SPTB: variants seen among roughly 807,000 people sequenced by gnomAD.
SPTB encodes the protein spectrin beta, erythrocytic, also known as spectrin beta chain, erythrocytic.
SPTB carries 45 observed loss-of-function variants against 256.2 expected under a neutral mutation model. The ratio of observed to expected loss-of-function variants is 0.18; its 90% CI spans 0.14 to 0.23. The LOEUF is 0.23. Among genes scored for constraint, SPTB ranks in the 10% least tolerant of loss-of-function variants. The pLI is 1.00. For synonymous variants in SPTB, 1,231 were observed against 1,243.1 expected (o/e 0.99, Z 0.21); for missense variants, 2,715 against 3,040.4 (o/e 0.89, Z 2.52).
intron 1 of SPTB, among the ~76,000 whole-genome samples, chr14:64,867,193 T>C (rs1276046873): frequency 2.0e-5 from 3 of 152,224 alleles, no homozygotes; most frequent in African/African-American, 4.8e-5. Context: ...GTCCCATCCA[T>C]AGTGTCTTCC....
chr14:64,763,750 T>C lies in SPTB; in HGVS notation c.6345+2976A>G, dbSNP rs756439301. The stretch of plus-strand genomic sequence containing the variant: ...CTTGTTTCTTCTGCCTGGCCTCCCA[T>C]GCACTTACCTGTATGAACGGATTGG... On this transcript the variant is annotated intron_variant, in intron 32 of 35. Transcript: ENST00000644917. The C allele has an allele frequency of 5.8e-6, 3 of 519,026 alleles. No individual in the cohort carries two copies. The Admixed American group carries it at 5.8e-5, about 10-fold the overall frequency. 32.2% of individuals were successfully genotyped at this position (519,026 alleles called of 1,614,324 possible).
chr14:64,760,998 G>A lies in SPTB; in HGVS notation c.6345+5728C>T, dbSNP rs1252336505. ...TCTAAATGAGATGATCCTGGCTTAT[G>A]CAAAACACATGGCTGATTGACAGAG... On this transcript the variant is annotated intron_variant, in intron 32 of 35. Coordinates refer to ENST00000644917, the MANE Select transcript of SPTB (RefSeq NM_001355436.2). This position sits in a 1 kb window ranked among gnomAD's most constrained non-coding sequence, Gnocchi z 4.3. Among the ~76,000 whole-genome samples, 1 of 152,194 alleles carries A rather than the reference G, an allele frequency of 6.6e-6. No homozygotes were observed. The highest frequency in any genetic ancestry group is 2.4e-5 in the African/African-American group (1 of 41,434).
In SPTB at chr14:64,772,944, T is replaced by C; in HGVS notation, c.5189A>G (p.Asp1730Gly). Residue 1730 changes from aspartate to glycine, a missense_variant, in exon 26 of 36, where the codon GAC becomes GGC. Physicochemically the swap from Asp to Gly is moderately conservative, Grantham distance 94. Coordinates refer to ENST00000644917, the MANE Select transcript of SPTB (RefSeq NM_001355436.2). The surrounding 1 kb of genome is among the most constrained non-coding windows in gnomAD (Gnocchi z 5.4). ...CTCCCGGGCAAAGTCCCGGAACTTG[T>C]CCCGCAGAAGCTAGGCATGGGGCAG... ...QDFDHVTLLR[D>G]KFRDFARETG... is the part of the protein sequence containing the mutation. 6.2e-7 allele frequency: 1 copy of C among 1,601,464 alleles called. No homozygotes were observed. Among genetic ancestry groups the C allele is most frequent in the South Asian group, 1.1e-5 (1 of 90,362 alleles).
intron 1 of SPTB, among the ~76,000 whole-genome samples, chr14:64,834,297 GATTAC>G (rs1196668947): frequency 6.6e-6 from 1 of 152,020 alleles, no homozygotes; most frequent in African/African-American, 2.4e-5. Flanking sequence ...AAAGTGCTGG[GATTAC>G]AGTTGTGAGC....
At chr14:64,789,196 C>A (rs1176024533) in intron 15 of SPTB, among the ~76,000 whole-genome samples, 1 of 151,848 alleles carries the variant, frequency 6.6e-6, no homozygotes, top group East Asian at 1.9e-4. Flanking sequence ...ACAAAAAAAA[C>A]AAAAAATTAG....
intron 1 of SPTB, among the ~76,000 whole-genome samples, chr14:64,864,746 G>C (rs1882061170): frequency 6.6e-6 from 1 of 152,032 alleles, no homozygotes; most frequent in South Asian, 2.1e-4. Context: ...GGTACTGTCT[G>C]AATTATTTTT....
At chr14:64,822,068 C>T (rs888678918) in intron 2 of SPTB, among the ~76,000 whole-genome samples, 34 of 151,776 alleles carry the variant, frequency 2.2e-4, no homozygotes, top group Admixed American at 5.9e-4. Flanking sequence ...AGGTGGAAGA[C>T]GGCAACAGTC....
chr14:64,773,417 T>C lies in SPTB; in HGVS notation c.4981A>G (p.Ile1661Val), dbSNP rs1049329878. Residue 1661 changes from isoleucine (I) to valine (V), a missense_variant, in exon 25 of 36, where the codon ATC becomes GTC. Physicochemically the swap from Ile to Val is conservative, Grantham distance 29. Coordinates refer to ENST00000644917, the MANE Select transcript of SPTB (RefSeq NM_001355436.2). ...LSAGHPEGEQ[I>V]IRLQGQVDKH... The stretch of plus-strand genomic sequence containing the variant: ...TCCACTTGCCCCTGAAGTCTGATGA[T>C]CTGTTCCCTGGAATTCAAAACCAAA... 6.2e-7 allele frequency: 1 copy of C among 1,613,874 alleles called. No homozygotes were observed. Among genetic ancestry groups the C allele is most frequent in the Non-Finnish European group, 8.5e-7 (1 of 1,180,034 alleles).
At position 64,793,809 on chromosome 14, in the gene SPTB, G is replaced by A. The variant is rs563471110; in HGVS notation, c.1854C>T (p.Cys618=). 1.3e-5 allele frequency: 21 copies of A among 1,610,618 alleles called. No homozygotes were observed. In the South Asian group the frequency reaches 2.0e-4, roughly 15 times the overall value. Residue 618 remains cysteine, a synonymous_variant, in exon 14 of 36, where the codon TGC becomes TGT. Transcript: ENST00000644917. The surrounding 1 kb of genome is among the most constrained non-coding windows in gnomAD (Gnocchi z 7.0). ...CTGCCATGTTGCTCAGCTCCTCAAA[G>A]CACTGCTCCAAGTGGCTGATGCGGT... ...IQDRISHLEQ[C]FEELSNMAAG...
rs747147135 is a variant in SPTB, at chr14:64,805,001, T to C, written c.238A>G (p.Lys80Glu). ...AGCATGCGCCCATCCCGCAGGTCCTTGTAGAGATCGGTGATGCGGCAGGAC... is the reference window on the plus strand; with the variant it reads ...AGCATGCGCCCATCCCGCAGGTCCTCGTAGAGATCGGTGATGCGGCAGGAC... ...RVSCRITDLY[K>E]DLRDGRMLIK... Residue 80 changes from lysine to glutamate, a missense_variant, in exon 3 of 36, where the codon AAG becomes GAG. Coordinates refer to ENST00000644917, the MANE Select transcript of SPTB (RefSeq NM_001355436.2). 5.6e-6 allele frequency: 9 copies of C among 1,613,980 alleles called. No individual in the cohort carries two copies. In the African/African-American group the frequency reaches 1.1e-4, roughly 19 times the overall value.
chr14:64,777,736 A>G lies in SPTB; in HGVS notation c.4563+1421T>C, dbSNP rs1454462966. ...AGTTGCATATTGGAGTTTGACAACCATTGCAACAGAGGGTTTTAGGTGAGG... is the reference window on the plus strand; with the variant it reads ...AGTTGCATATTGGAGTTTGACAACCGTTGCAACAGAGGGTTTTAGGTGAGG... On this transcript the variant is annotated intron_variant, in intron 22 of 35. Transcript: ENST00000644917. The surrounding 1 kb of genome is among the most constrained non-coding windows in gnomAD (Gnocchi z 4.5). 6.6e-6 allele frequency among the ~76,000 whole-genome samples: 1 copy of G among 152,204 alleles called. No individual in the cohort carries two copies. The highest frequency in any genetic ancestry group is 1.9e-4 in the East Asian group (1 of 5,198).
Position 64,793,160 on chromosome 14 carries a change from C to T in SPTB, c.2503G>A (p.Ala835Thr). ...ALRELYQQVV[A>T]QADLRQQRLQ... ...CTCTGCTGACGCAGGTCCGCCTGGG[C>T]CACCACCTGTTGGTAGAGCTCCCGC... The change falls in exon 14 of 36, where the codon GCC (alanine) becomes ACC (threonine). Residue 835 changes from alanine to threonine, a missense_variant. This residue lies in a region of SPTB where 2,239 missense variants were observed against 2,384.4 expected (regional missense o/e 0.94). Transcript: ENST00000644917. The surrounding 1 kb of genome is among the most constrained non-coding windows in gnomAD (Gnocchi z 7.0). 1 of 1,613,950 alleles carries T rather than the reference C, an allele frequency of 6.2e-7. No homozygotes were observed. The highest frequency in any genetic ancestry group is 1.1e-5 in the South Asian group (1 of 91,082).
In SPTB at chr14:64,826,526, C is replaced by G. The variant is rs2083379927; in HGVS notation, c.-51-3381G>C. 6.6e-6 allele frequency among the ~76,000 whole-genome samples: 1 copy of G among 152,112 alleles called. No individual in the cohort carries two copies. The highest frequency in any genetic ancestry group is 1.5e-5 in the Non-Finnish European group (1 of 68,014). On this transcript the variant is annotated intron_variant, in intron 1 of 35. Transcript: ENST00000644917. This position sits in a 1 kb window ranked among gnomAD's most constrained non-coding sequence, Gnocchi z 4.4. ...TAAGTCATCTGCACATCTAGAGTGG[C>G]CTTCCATGAGTCACGGAGGACCGCA...
rs376639114 is a variant in SPTB at position 64,769,006 on chromosome 14, T to C, written c.6022+28A>G. 1.0e-5 allele frequency: 16 copies of C among 1,594,530 alleles called. No homozygotes were observed. The African/African-American group carries it at 1.7e-4, about 17-fold the overall frequency. ...ACTCCTGCGGGGGTACTCCTGCCCC[T>C]GGGCCCTGGCTCCAGGGCTGTACTC... On this transcript the variant is annotated intron_variant, in intron 29 of 35. Transcript: ENST00000644917.
chr14:64,776,054 T>A (rs2082351517), intron 22 of SPTB, among the ~76,000 whole-genome samples: 1 of 152,182 alleles, frequency 6.6e-6, no homozygotes, highest in Non-Finnish European at 1.5e-5. Flanking sequence ...GTCACCTTTT[T>A]CTTCAGGAGG....
At chr14:64,784,526 C>A in intron 18 of SPTB, 133 bp from the exon 19 acceptor site, 1 of 1,219,314 alleles carries the variant, frequency 8.2e-7, no homozygotes, top group Non-Finnish European at 1.2e-6. Flanking sequence ...AACCCATCTG[C>A]AGTTCTGGAT....
At position 64,787,138 on chromosome 14, in the gene SPTB, C is replaced by T. The variant is rs1404681447; in HGVS notation, c.2827G>A (p.Val943Met). The T allele has an allele frequency of 6.2e-7, 1 of 1,606,994 alleles. No homozygotes were observed. The highest frequency in any genetic ancestry group is 8.5e-7 in the Non-Finnish European group (1 of 1,179,990). Residue 943 changes from valine (V) to methionine (M), a missense_variant, in exon 16 of 36, where the codon GTG becomes ATG. Around this residue, in one of 4 missense-constraint regions of SPTB, gnomAD observed 2,239 missense variants for 2,384.4 expected, o/e 0.94. Transcript: ENST00000644917. ...TCCACAGCCTCCCGCCGCTCCGACA[C>T]CAGGGTCTGAAATGCCTGCCACCTG... ...NTRWQAFQTL[V>M]SERREAVDSA...
rs1412631824 is a variant in SPTB, at chr14:64,807,654, G to C, written c.149-2564C>G. ...GCCCCAAGGTGAGAGGCATTTCCAT[G>C]AGCTGGCTGGCTCCAGCCGCCTGGC... On this transcript the variant is annotated intron_variant, in intron 2 of 35. Coordinates refer to ENST00000644917, the MANE Select transcript of SPTB (RefSeq NM_001355436.2). This position sits in a 1 kb window ranked among gnomAD's most constrained non-coding sequence, Gnocchi z 4.7. Among the ~76,000 whole-genome samples, 3 of 152,250 alleles carry C rather than the reference G, an allele frequency of 2.0e-5. No homozygotes were observed. Among genetic ancestry groups the C allele is most frequent in the Non-Finnish European group, 4.4e-5 (3 of 68,048 alleles).
intron 1 of SPTB, among the ~76,000 whole-genome samples, chr14:64,835,598 C>T (rs530443711): frequency 8.9e-4 from 135 of 152,266 alleles, no homozygotes; most frequent in African/African-American, 3.1e-3. Flanking sequence ...GAGAGCAGCA[C>T]TCTACCACTA....
Sources: gnomAD v4.1 joint callset for allele counts (sites outside exome capture counted in the v4.1 genomes callset) on GRCh38, gnomAD v4.1.1 for gene constraint, gnomAD v4.1.1 regional missense constraint, Gnocchi (gnomAD v3.1) non-coding constraint, MANE v1.5 for transcripts, NCBI Gene and HGNC (gene_info 2026-07-23, HGNC 2026-07-21) for gene names.